The following GABRG3 variants were observed in gnomAD, a reference collection of about 807,000 sequenced individuals.
The protein encoded by GABRG3 is gamma-aminobutyric acid type A receptor subunit gamma3, also known as gamma-aminobutyric acid receptor subunit gamma-3.
In GABRG3, 25 loss-of-function variants were observed where a neutral mutation model predicts 48.8. That is an observed-to-expected ratio of 0.51 (90% CI 0.37 to 0.72). GABRG3 has a LOEUF of 0.72. GABRG3 is among the 30% of genes least tolerant of loss of function. The pLI is 0.00. For synonymous variants in GABRG3, 227 were observed against 217.6 expected, an observed-to-expected ratio of 1.04 and a Z score of -0.38; for missense variants, 394 against 577.9, an observed-to-expected ratio of 0.68 and a Z score of 3.26.
chr15:27,511,289 T>C (rs533209540), intron 6 of GABRG3, among the ~76,000 whole-genome samples: 1 of 152,266 alleles, frequency 6.6e-6, no homozygotes, highest in African/African-American at 2.4e-5. Context: ...CCTAACACCG[T>C]GTATATGTGT....
chr15:27,242,800 C>G (rs1167838342), intron 3 of GABRG3, among the ~76,000 whole-genome samples: 1 of 152,160 alleles, frequency 6.6e-6, no homozygotes, highest in African/African-American at 2.4e-5. Context: ...GGGTAATTTG[C>G]TGTTTGTTAA....
At chr15:27,009,996 G>C (rs955202607) in intron 2 of GABRG3, among the ~76,000 whole-genome samples, 8 of 151,916 alleles carry the variant, frequency 5.3e-5, no homozygotes, top group African/African-American at 1.9e-4. Context: ...CCAGGCTGGA[G>C]TGCAGTGGTA....
intron 3 of GABRG3, among the ~76,000 whole-genome samples, chr15:27,226,888 C>T (rs1432132318): frequency 1.3e-5 from 2 of 152,184 alleles, no homozygotes; most frequent in African/African-American, 4.8e-5. Flanking sequence ...GCCTAGGATA[C>T]GTTGTCCCTC....
At chr15:27,096,086 T>C (rs575877615) in intron 3 of GABRG3, among the ~76,000 whole-genome samples, 1 of 152,310 alleles carries the variant, frequency 6.6e-6, no homozygotes, top group South Asian at 2.1e-4. Flanking sequence ...CAGCAAAGTA[T>C]AGCCAGTCAG....
chr15:26,980,266 A>G (rs778471455), intron 2 of GABRG3, among the ~76,000 whole-genome samples: 2 of 152,042 alleles, frequency 1.3e-5, no homozygotes, highest in Admixed American at 6.5e-5. Flanking sequence ...AACTTTTTGT[A>G]TGATAGTTTT....
rs1459743889 is a variant in GABRG3 at position 27,033,938 on chromosome 15, G to A, written c.270+7117G>A. On this transcript the variant is annotated intron_variant, in intron 3 of 9. Transcript: ENST00000615808. The stretch of plus-strand genomic sequence containing the variant: ...CGTGAATTCTCCCCTCAGTGTTCAT[G>A]GCCTTTGGACCTGAGGAATTGGCAT... Among the ~76,000 whole-genome samples the A allele has an allele frequency of 2.0e-4, 31 of 152,166 alleles. 1 individual carries two copies. The highest frequency in any genetic ancestry group is 5.9e-5 in the Non-Finnish European group (4 of 68,008).
At chr15:27,128,804 G>A (rs1340082116) in intron 3 of GABRG3, among the ~76,000 whole-genome samples, 3 of 152,134 alleles carry the variant, frequency 2.0e-5, no homozygotes, top group Non-Finnish European at 2.9e-5. Flanking sequence ...ATTGCAGGCT[G>A]CAGTTACCTG....
chr15:27,491,125 C>A (rs1328793355), intron 6 of GABRG3, among the ~76,000 whole-genome samples: 1 of 152,230 alleles, frequency 6.6e-6, no homozygotes, highest in African/African-American at 2.4e-5. Context: ...TGCCCTCCTT[C>A]CTTGCTGTGC....
At chr15:27,459,468 C>T (rs1407976463) in intron 5 of GABRG3, among the ~76,000 whole-genome samples, 1 of 152,214 alleles carries the variant, frequency 6.6e-6, no homozygotes, top group African/African-American at 2.4e-5. Flanking sequence ...GGTAACACTA[C>T]TGAATTACAC....
intron 3 of GABRG3, among the ~76,000 whole-genome samples, chr15:27,245,151 C>T (rs917201257): frequency 1.3e-5 from 2 of 152,124 alleles, no homozygotes; most frequent in African/African-American, 2.4e-5. Context: ...CCCTCCTCTG[C>T]TGCGGTGTGG....
chr15:27,416,752 C>T (rs978830688), intron 5 of GABRG3, among the ~76,000 whole-genome samples: 1 of 152,134 alleles, frequency 6.6e-6, no homozygotes, highest in East Asian at 1.9e-4. Flanking sequence ...CGGTAAATTG[C>T]GGTTCTTCCT....
At chr15:27,060,447 C>G (rs963469500) in intron 3 of GABRG3, among the ~76,000 whole-genome samples, 3 of 152,214 alleles carry the variant, frequency 2.0e-5, no homozygotes, top group African/African-American at 7.2e-5. Flanking sequence ...CAGACTGTGT[C>G]ATTATCACAT....
chr15:27,366,509 A>G (rs1286433672), intron 5 of GABRG3: 2 of 152,126 alleles, frequency 1.3e-5, no homozygotes, highest in African/African-American at 2.4e-5. Context: ...ATCCAATCCC[A>G]TGATCTAGCT....
At chr15:27,185,475 A>G (rs1167907612) in intron 3 of GABRG3, among the ~76,000 whole-genome samples, 2 of 152,154 alleles carry the variant, frequency 1.3e-5, no homozygotes, top group Admixed American at 1.3e-4. Context: ...ATCTTGGTAA[A>G]TATTTTACAC....
intron 3 of GABRG3, among the ~76,000 whole-genome samples, chr15:27,031,867 C>G (rs979100289): frequency 6.6e-6 from 1 of 152,210 alleles, no homozygotes; most frequent in East Asian, 1.9e-4. Flanking sequence ...TAAGTGACAG[C>G]TGAAGCACCG....
intron 3 of GABRG3, among the ~76,000 whole-genome samples, chr15:27,056,374 GAAAAGAA>G (rs1302925922): frequency 7.3e-6 from 1 of 137,546 alleles, no homozygotes; most frequent in Non-Finnish European, 1.6e-5. Flanking sequence ...AAAAAAAAAA[GAAAAGAA>G]AAAAGAAAAT....
At chr15:26,982,855 G>A (rs547616849) in intron 2 of GABRG3, among the ~76,000 whole-genome samples, 2 of 152,134 alleles carry the variant, frequency 1.3e-5, no homozygotes, top group Non-Finnish European at 2.9e-5. Flanking sequence ...TGACTTTAAC[G>A]TTCCACCATG....
chr15:27,088,245 C>CGAGGCGGGCGCG (rs1897117835), intron 3 of GABRG3, among the ~76,000 whole-genome samples: 1 of 107,876 alleles, frequency 9.3e-6, no homozygotes, highest in South Asian at 3.2e-4. Context: ...TGGGAGTGCT[C>CGAGGCGGGCGCG]GGGGCGGGCG....
chr15:26,987,721 T>C (rs1895177384), intron 2 of GABRG3, among the ~76,000 whole-genome samples: 1 of 152,212 alleles, frequency 6.6e-6, no homozygotes, highest in South Asian at 2.1e-4. Context: ...ACTTTGTGTT[T>C]CATGTGTTGT....
Sources: allele counts gnomAD v4.1 joint callset (sites outside exome capture counted in the v4.1 genomes callset), GRCh38; gene constraint gnomAD v4.1.1; transcripts MANE v1.5; gene names NCBI Gene and HGNC (gene_info 2026-07-23, HGNC 2026-07-21).